Variants in PASD1 observed in about 807,000 individuals in gnomAD.
PASD1 encodes the protein PAS domain containing repressor 1.
A neutral mutation model predicts 58.8 loss-of-function variants in PASD1; 13 were observed. The observed-to-expected ratio is 0.22, with a 90% confidence interval of 0.14 to 0.35. The LOEUF is 0.35. PASD1 is among the 10% of genes least tolerant of loss of function. PASD1 has a pLI of 1.00. For synonymous variants in PASD1, 236 were observed against 216.7 expected (o/e 1.09, Z -0.78); for missense variants, 734 against 568.3 (o/e 1.29, Z -2.96).
At chrX:151,645,328 C>G (rs1260320958) in intron 8 of PASD1, among the ~76,000 whole-genome samples, 1 of 111,849 alleles carries the variant, frequency 8.9e-6, no homozygotes, top group Non-Finnish European at 1.9e-5. Context: ...CACAACTGTT[C>G]AAAACACACC....
chrX:151,616,241 G>A (rs12116057), intron 4 of PASD1, among the ~76,000 whole-genome samples: 37,319 of 110,220 alleles, frequency 0.34, 4,812 homozygotes, highest in Non-Finnish European at 0.39. Flanking sequence ...TGAGGGGCAG[G>A]CATGGAAGTA....
chrX:151,600,657 G>A (rs1408652997), intron 1 of PASD1, among the ~76,000 whole-genome samples: 1 of 110,201 alleles, frequency 9.1e-6, no homozygotes, highest in African/African-American at 3.3e-5. Context: ...TTCGCTGTTT[G>A]GGTTATTTTT....
intron 7 of PASD1, among the ~76,000 whole-genome samples, chrX:151,623,666 G>T (rs5924654): frequency 0.48 from 53,196 of 110,265 alleles, 9,763 homozygotes; most frequent in East Asian, 0.94. Context: ...ATTGGAAGGT[G>T]CCCTGAAGGA....
At chrX:151,564,792 G>A (rs932224775) in intron 1 of PASD1, among the ~76,000 whole-genome samples, 1 of 110,549 alleles carries the variant, frequency 9.0e-6, no homozygotes, top group African/African-American at 3.3e-5. Context: ...GATCGCTTGA[G>A]CCTGGGAGTT....
At chrX:151,666,560 G>A (rs1216839556) in intron 11 of PASD1, among the ~76,000 whole-genome samples, 1 of 102,397 alleles carries the variant, frequency 9.8e-6, no homozygotes, top group African/African-American at 3.6e-5. Context: ...ACAGGCCCTG[G>A]TGTGTGATGT....
chrX:151,638,951 C>T (rs35935269), intron 8 of PASD1, among the ~76,000 whole-genome samples: 19,083 of 111,195 alleles, frequency 0.17, 1,582 homozygotes, highest in Non-Finnish European at 0.26. Flanking sequence ...ATGTTGTTAC[C>T]GTCCTGCTCA....
At chrX:151,656,746 A>G (rs191050681) in intron 9 of PASD1, among the ~76,000 whole-genome samples, 3,090 of 111,956 alleles carry the variant, frequency 0.028, 98 homozygotes, top group African/African-American at 0.094. Context: ...TATCAGCTTA[A>G]GGACATTTTG....
In PASD1 at chrX:151,663,967, G is replaced by T. The variant is rs1346586112; in HGVS notation, c.842-152G>T. The T allele has an allele frequency of 8.5e-6, 8 of 937,519 alleles. No individual in the cohort carries two copies. In the East Asian group the frequency reaches 2.7e-4, roughly 32 times the overall value. The allele number at this position is 937,519 out of a possible 1,213,427, so 77.3% of individuals were successfully genotyped here. ...CTCCCTTTTCTTCATTTTCAAATAT[G>T]AACAGATTTTTAAAATAATATTCTG... On this transcript the variant is annotated intron_variant, in intron 10 of 15. Transcript: ENST00000370357.
intron 1 of PASD1, among the ~76,000 whole-genome samples, chrX:151,567,426 G>C (rs186253671): frequency 2.7e-5 from 3 of 111,908 alleles, no homozygotes; most frequent in Admixed American, 1.9e-4. Context: ...GAGCTCAAAG[G>C]AGTAGTCACA....
intron 1 of PASD1, among the ~76,000 whole-genome samples, chrX:151,570,575 G>A (rs186188459): frequency 1.8e-5 from 2 of 112,558 alleles, no homozygotes; most frequent in East Asian, 5.6e-4. Flanking sequence ...GTGATGAAAG[G>A]GTTTTGATCT....
chrX:151,642,865 C>T (rs1477502675), intron 8 of PASD1, among the ~76,000 whole-genome samples: 1 of 111,393 alleles, frequency 9.0e-6, no homozygotes, highest in Non-Finnish European at 1.9e-5. Context: ...CTGAATTGAG[C>T]AGGGGACAAG....
At chrX:151,666,005 A>G (rs916713528) in intron 11 of PASD1, among the ~76,000 whole-genome samples, 1 of 109,753 alleles carries the variant, frequency 9.1e-6, no homozygotes, top group African/African-American at 3.3e-5. Flanking sequence ...TGGACTAAAA[A>G]TACATATATA....
intron 9 of PASD1, among the ~76,000 whole-genome samples, chrX:151,653,296 G>A (rs1445122311): frequency 9.2e-6 from 1 of 108,791 alleles, no homozygotes; most frequent in Non-Finnish European, 1.9e-5. Flanking sequence ...AGGTTCAAGC[G>A]ATTCTCCAGC....
intron 9 of PASD1, among the ~76,000 whole-genome samples, chrX:151,653,787 TTTCTTTCTTTCTTTCCTTCCTTCCTTCC>T (rs1569413699): frequency 1.4e-4 from 2 of 14,234 alleles, no homozygotes; most frequent in Admixed American, 9.8e-4. Flanking sequence ...TCTTTCTTTC[TTTCTTTCTTTCTTTCCTTCCTTCCTTCC>T]TTCCTTCCTT....
chrX:151,566,368 T>G (rs1033271131), intron 1 of PASD1, among the ~76,000 whole-genome samples: 1 of 112,190 alleles, frequency 8.9e-6, no homozygotes, highest in Non-Finnish European at 1.9e-5. Flanking sequence ...TAGATTGGGT[T>G]TTAAGTTATG....
chrX:151,605,282 C>T (rs1434962113), intron 3 of PASD1, among the ~76,000 whole-genome samples: 1 of 111,739 alleles, frequency 8.9e-6, no homozygotes, highest in Non-Finnish European at 1.9e-5. Flanking sequence ...ATTTCTTTCT[C>T]TTTAAAATGG....
At position 151,672,266 on chromosome X, in the gene PASD1, G is replaced by A; in HGVS notation, c.1521G>A (p.Arg507=). 8.6e-7 allele frequency: 1 copy of A among 1,167,738 alleles called. No individual in the cohort carries two copies. Among genetic ancestry groups the A allele is most frequent in the Non-Finnish European group, 1.1e-6 (1 of 873,209 alleles). ...REQLQQLREQ[R]KVQKQKKMQE... ...AGCTGCAACAGCTGAGAGAGCAAAG[G>A]AAGGTGCAGAAGCAGAAGAAGATGC... The change falls in exon 14 of 16, where the codon AGG becomes AGA. Residue 507 remains arginine, a synonymous_variant. Transcript: ENST00000370357.
At chrX:151,656,410 A>G (rs1471946380) in intron 9 of PASD1, among the ~76,000 whole-genome samples, 2 of 111,523 alleles carry the variant, frequency 1.8e-5, no homozygotes, top group African/African-American at 6.5e-5. Context: ...TGGTAGCTTG[A>G]TGGGGGGGAT....
intron 1 of PASD1, among the ~76,000 whole-genome samples, chrX:151,564,592 A>G (rs2012800240): frequency 9.0e-6 from 1 of 110,592 alleles, no homozygotes; most frequent in African/African-American, 3.3e-5. Flanking sequence ...GCAGCCATGT[A>G]TCTGAAGACC....
Sources: allele counts gnomAD v4.1 joint callset (sites outside exome capture counted in the v4.1 genomes callset), GRCh38; gene constraint gnomAD v4.1.1; transcripts MANE v1.5; gene names NCBI Gene and HGNC (gene_info 2026-07-23, HGNC 2026-07-21).